Variants in TTLL9 observed in about 807,000 individuals in gnomAD.
The protein encoded by TTLL9 is tubulin tyrosine ligase like 9.
In TTLL9, 47 loss-of-function variants were observed where a neutral mutation model predicts 65.6. That is an observed-to-expected ratio of 0.72 (90% CI 0.57 to 0.91). The LOEUF is 0.91. Among genes scored for constraint, TTLL9 ranks in the 40% least tolerant of loss-of-function variants. The pLI, the probability that TTLL9 is intolerant of heterozygous loss-of-function variation, is 0.00. For missense variants in TTLL9, 537 were observed against 568.8 expected, an observed-to-expected ratio of 0.94 and a Z score of 0.57; for synonymous variants, 179 against 204.8, an observed-to-expected ratio of 0.87 and a Z score of 1.07.
chr20:31,891,016 A>G (rs1248761370), intron 3 of TTLL9, among the ~76,000 whole-genome samples: 1 of 152,244 alleles, frequency 6.6e-6, no homozygotes, highest in African/African-American at 2.4e-5. Context: ...TAACAATTAC[A>G]TATAAGCATC....
chr20:31,905,567 G>T (rs986755430), intron 4 of TTLL9, among the ~76,000 whole-genome samples: 2 of 152,054 alleles, frequency 1.3e-5, no homozygotes, highest in Non-Finnish European at 2.9e-5. Flanking sequence ...CGTGCTTCAC[G>T]TCACCACATC....
intron 6 of TTLL9, among the ~76,000 whole-genome samples, chr20:31,916,736 G>A (rs116103594): frequency 0.02 from 3,088 of 152,252 alleles, 115 homozygotes; most frequent in African/African-American, 0.071. Flanking sequence ...CATCATCTCC[G>A]CAGACTGTAG....
chr20:31,922,912 C>T lies in TTLL9; in HGVS notation c.574-51C>T, dbSNP rs925682323. 6.1e-6 allele frequency: 9 copies of T among 1,480,978 alleles called. No homozygotes were observed. In the Admixed American group the frequency reaches 6.7e-5, roughly 11 times the overall value. The allele number at this position is 1,480,978 out of a possible 1,614,324, so 91.7% of individuals were successfully genotyped here. Reference sequence around the variant, plus strand: ...AGTGTCTAACAGAATACCTAGTACACAGGAAATGTTCCATAAATAAATGTT... The same window carrying T: ...AGTGTCTAACAGAATACCTAGTACATAGGAAATGTTCCATAAATAAATGTT... On this transcript the variant is annotated intron_variant, in intron 7 of 14. Transcript: ENST00000535842.
At chr20:31,938,034 C>T in intron 13 of TTLL9, 1 of 389,416 alleles carries the variant, frequency 2.6e-6, no homozygotes, top group South Asian at 1.9e-5. Flanking sequence ...CTCTCTCTTT[C>T]TCTCTCTCTG....
intron 4 of TTLL9, among the ~76,000 whole-genome samples, chr20:31,906,303 G>A (rs1211539028): frequency 1.3e-5 from 2 of 152,234 alleles, no homozygotes; most frequent in Non-Finnish European, 2.9e-5. Flanking sequence ...GGAGTTGTCT[G>A]AGGGCATCTG....
At position 31,943,973 on chromosome 20, in the gene TTLL9, G is replaced by A. The variant is rs1400270351; in HGVS notation, c.*952G>A. 6 of 373,956 alleles carry A rather than the reference G, an allele frequency of 1.6e-5. No individual in the cohort carries two copies. Among genetic ancestry groups the A allele is most frequent in the East Asian group, 1.5e-4 (2 of 13,710 alleles). The allele number at this position is 373,956 out of a possible 1,614,324, so 23.2% of individuals were successfully genotyped here. A position where few individuals can be genotyped will look rare whatever the true frequency, so the allele number is the denominator to read the frequency against. Reference sequence around the variant, plus strand: ...GGGGACTTACTCCCTCTACCACTCCGCCTGCTTCAGAGTAGTTTCTCTGGC... The same window carrying A: ...GGGGACTTACTCCCTCTACCACTCCACCTGCTTCAGAGTAGTTTCTCTGGC... On this transcript the variant is annotated 3_prime_UTR_variant, in exon 15 of 15. Coordinates refer to ENST00000535842, the MANE Select transcript of TTLL9 (RefSeq NM_001008409.5).
At chr20:31,888,164 G>A (rs111474751) in intron 3 of TTLL9, among the ~76,000 whole-genome samples, 22,503 of 152,164 alleles carry the variant, frequency 0.15, 1,963 homozygotes, top group Non-Finnish European at 0.19. Flanking sequence ...GATTACAGGC[G>A]TGAGCCACCA....
chr20:31,909,947 G>T, intron 6 of TTLL9, 25 bp downstream of exon 6: 1 of 1,568,676 alleles, frequency 6.4e-7, no homozygotes. Context: ...CCAGGGGCTG[G>T]GTGGGAGGGA....
At chr20:31,937,582 C>A in intron 13 of TTLL9, 73 bp downstream of exon 13, 2 of 1,267,452 alleles carry the variant, frequency 1.6e-6, no homozygotes, top group Non-Finnish European at 2.2e-6. Flanking sequence ...AGAGGGGGAG[C>A]TTAGAACCTT....
chr20:31,890,154 CTTCTTTCTTTCT>C lies in TTLL9; in HGVS notation c.113+2952_113+2963del, dbSNP rs765420741. ...CCTTCCTTCCTTCCTTCCTTCCTTC[CTTCTTTCTTTCT>C]TTCTTTCTTTCTTTCTTTCTTTCTT... is the stretch of plus-strand genomic sequence containing the variant. On this transcript the variant is annotated intron_variant, in intron 3 of 14. Transcript: ENST00000535842. Among the ~76,000 whole-genome samples the C allele has an allele frequency of 3.7e-4, 5 of 13,576 alleles. No homozygotes were observed. The South Asian group carries it at 5.8e-3, about 16-fold the overall frequency. 8.9% of individuals were successfully genotyped at this position (13,576 alleles called of 152,430 possible).
intron 10 of TTLL9, among the ~76,000 whole-genome samples, chr20:31,928,924 C>T (rs560024614): frequency 5.9e-5 from 9 of 152,296 alleles, no homozygotes; most frequent in Non-Finnish European, 1.3e-4. Context: ...TGCCCCCGAT[C>T]GAGTACAGTG....
At chr20:31,925,886 G>A (rs186464077) in intron 9 of TTLL9, 163 bp from the exon 10 acceptor site, 35 of 1,551,668 alleles carry the variant, frequency 2.3e-5, no homozygotes, top group African/African-American at 8.2e-5. Context: ...ATCCCGCTGC[G>A]GGCCTGGCTC....
chr20:31,911,105 G>A (rs535111934), intron 6 of TTLL9, among the ~76,000 whole-genome samples: 10 of 152,166 alleles, frequency 6.6e-5, no homozygotes, highest in Non-Finnish European at 1.5e-4. Flanking sequence ...AATCTGGGAG[G>A]TGGAGGTTGC....
rs2062916504 is a variant in TTLL9, at chr20:31,870,931, T to A, written c.-24T>A. On this transcript the variant is annotated 5_prime_UTR_variant, in exon 1 of 15. Coordinates refer to ENST00000535842, the MANE Select transcript of TTLL9 (RefSeq NM_001008409.5). This position sits in a 1 kb window ranked among gnomAD's most constrained non-coding sequence, Gnocchi z 6.6. ...GCCGAGGGCTCTCTGCTCTTCAGAG[T>A]CTGCTTGGAACGGGATAAGTGGGTA... 1.3e-5 allele frequency: 8 copies of A among 620,548 alleles called. No homozygotes were observed. Among genetic ancestry groups the A allele is most frequent in the Non-Finnish European group, 2.3e-5 (8 of 344,964 alleles). 38.4% of individuals were successfully genotyped at this position (620,548 alleles called of 1,614,324 possible). A position where few individuals can be genotyped will look rare whatever the true frequency, so the allele number is the denominator to read the frequency against.
Position 31,909,741 on chromosome 20 carries a change from C to A in TTLL9, c.323C>A (p.Thr108Asn), listed in dbSNP as rs781348407. ...CCTGTCCTTCCCGCCACCCAGCTGA[C>A]CCGGAAGAACTACATGGTGAAGAAC... The part of the protein sequence containing the change: ...ISHFRNHYEL[T>N]RKNYMVKNLK... The change falls in exon 6 of 15, where the codon ACC becomes AAC. Residue 108 changes from threonine to asparagine, a missense_variant. Physicochemically the swap from Thr to Asn is moderately conservative, Grantham distance 65. Transcript: ENST00000535842. The A allele has an allele frequency of 1.5e-5, 24 of 1,613,244 alleles. No individual in the cohort carries two copies. Among genetic ancestry groups the A allele is most frequent in the Non-Finnish European group, 2.0e-5 (24 of 1,179,736 alleles).
At chr20:31,926,424 T>C (rs1045898419) in intron 10 of TTLL9, among the ~76,000 whole-genome samples, 1 of 152,194 alleles carries the variant, frequency 6.6e-6, no homozygotes, top group Admixed American at 6.5e-5. Flanking sequence ...GCTGGGAGAA[T>C]ACATACGTTG....
At chr20:31,894,295 G>A (rs949798939) in intron 3 of TTLL9, among the ~76,000 whole-genome samples, 2 of 151,464 alleles carry the variant, frequency 1.3e-5, no homozygotes, top group African/African-American at 4.9e-5. Flanking sequence ...GTAGAAATGG[G>A]GTCTCACTGT....
chr20:31,931,971 G>C (rs1334142396), intron 10 of TTLL9, among the ~76,000 whole-genome samples: 4 of 152,186 alleles, frequency 2.6e-5, no homozygotes, highest in Non-Finnish European at 5.9e-5. Flanking sequence ...CAAGGTCACA[G>C]TGACTTATTC....
intron 7 of TTLL9, 23 bp from the exon 8 acceptor site, chr20:31,922,940 A>G: frequency 6.8e-7 from 1 of 1,480,988 alleles, no homozygotes; most frequent in Non-Finnish European, 9.4e-7. Flanking sequence ...TAAATGTTCA[A>G]TTATTATTAT....
Sources: allele counts gnomAD v4.1 joint callset (sites outside exome capture counted in the v4.1 genomes callset), GRCh38; gene constraint gnomAD v4.1.1; non-coding constraint Gnocchi (gnomAD v3.1); transcripts MANE v1.5; gene names NCBI Gene and HGNC (gene_info 2026-07-23, HGNC 2026-07-21).